The following ANKFN1 variants were observed in gnomAD, a reference collection of about 807,000 sequenced individuals.
ANKFN1 encodes the protein ankyrin repeat and fibronectin type III domain containing 1, also known as ankyrin repeat and fibronectin type-III domain-containing protein 1.
A neutral mutation model predicts 108.7 loss-of-function variants in ANKFN1; 74 were observed. The observed-to-expected ratio is 0.68, with a 90% CI of 0.56 to 0.83. The LOEUF is 0.83. Among genes scored for constraint, ANKFN1 ranks in the 40% least tolerant of loss-of-function variants. The pLI is 0.00. For missense variants in ANKFN1, 1,505 were observed against 1,382.3 expected, an observed-to-expected ratio of 1.09 and a Z score of -1.41; for synonymous variants, 547 against 516.2, an observed-to-expected ratio of 1.06 and a Z score of -0.81.
intron 3 of ANKFN1, among the ~76,000 whole-genome samples, chr17:56,231,462 C>G (rs940335297): frequency 2.0e-5 from 3 of 152,186 alleles, no homozygotes; most frequent in African/African-American, 7.2e-5. Flanking sequence ...TTCATCGCCT[C>G]TGGAAAGGGT....
chr17:56,428,549 G>A (rs1008017091), intron 8 of ANKFN1, among the ~76,000 whole-genome samples: 19 of 147,692 alleles, frequency 1.3e-4, no homozygotes, highest in East Asian at 4.1e-4. Context: ...TGCAACCTCC[G>A]CCTCCCGGGT....
chr17:56,294,167 AC>A (rs2044444843), intron 3 of ANKFN1, among the ~76,000 whole-genome samples: 1 of 152,196 alleles, frequency 6.6e-6, no homozygotes, highest in African/African-American at 2.4e-5. Context: ...ATATAAAGAA[AC>A]CAAATAATGC....
intron 1 of ANKFN1, among the ~76,000 whole-genome samples, chr17:56,161,117 C>T (rs1009934940): frequency 7.2e-5 from 11 of 152,198 alleles, no homozygotes; most frequent in South Asian, 2.1e-4. Flanking sequence ...CATTCAACCT[C>T]GGTTTCCTCC....
At chr17:56,086,471 AG>A (rs1394948406) in intron 4 of ANKFN1, among the ~76,000 whole-genome samples, 1 of 151,464 alleles carries the variant, frequency 6.6e-6, no homozygotes, top group Non-Finnish European at 1.5e-5. Context: ...CACTGGGAAA[AG>A]GATTACTGTT....
chr17:56,368,055 C>A, intron 6 of ANKFN1: 2 of 555,364 alleles, frequency 3.6e-6, no homozygotes, highest in East Asian at 5.1e-5. Flanking sequence ...TGAAAATAGC[C>A]CCATTCTGCC....
At chr17:56,342,027 G>C (rs892864533) in intron 4 of ANKFN1, among the ~76,000 whole-genome samples, 5 of 151,958 alleles carry the variant, frequency 3.3e-5, no homozygotes, top group Admixed American at 6.6e-5. Flanking sequence ...TCTTGGTTCA[G>C]TGTTGGGAGG....
chr17:56,252,966 G>A (rs2043271624), intron 3 of ANKFN1, among the ~76,000 whole-genome samples: 1 of 152,172 alleles, frequency 6.6e-6, no homozygotes, highest in Admixed American at 6.5e-5. Flanking sequence ...CGAGGGTGAG[G>A]TGGGGGGATT....
intron 3 of ANKFN1, among the ~76,000 whole-genome samples, chr17:56,291,445 A>G (rs914107161): frequency 3.3e-5 from 5 of 152,206 alleles, no homozygotes; most frequent in Non-Finnish European, 7.4e-5. Context: ...GTGCTACCCT[A>G]CTGCACAGAA....
At chr17:56,258,424 G>A (rs1324410866) in intron 3 of ANKFN1, 1 of 152,150 alleles carries the variant, frequency 6.6e-6, no homozygotes, top group Non-Finnish European at 1.5e-5. Context: ...TTCCCATAAG[G>A]TGTGAGGGTT....
At chr17:56,131,549 T>C (rs1367940058) in intron 4 of ANKFN1, among the ~76,000 whole-genome samples, 1 of 152,262 alleles carries the variant, frequency 6.6e-6, no homozygotes, top group Non-Finnish European at 1.5e-5. Context: ...TGGTCTGTTC[T>C]AGTGGAGCCC....
At chr17:56,280,963 A>G (rs909356686) in intron 3 of ANKFN1, among the ~76,000 whole-genome samples, 2 of 152,142 alleles carry the variant, frequency 1.3e-5, no homozygotes, top group Admixed American at 1.3e-4. Context: ...TGGTTTTAAA[A>G]AGGGGAGTTT....
At chr17:56,074,608 A>C (rs1472897812) in intron 4 of ANKFN1, among the ~76,000 whole-genome samples, 1 of 152,204 alleles carries the variant, frequency 6.6e-6, no homozygotes, top group African/African-American at 2.4e-5. Flanking sequence ...AGAAATTCCA[A>C]CTGTTGCATG....
chr17:56,355,331 TG>T (rs1158262495), intron 6 of ANKFN1, among the ~76,000 whole-genome samples: 1 of 152,034 alleles, frequency 6.6e-6, no homozygotes, highest in Non-Finnish European at 1.5e-5. Context: ...TATGAAGGAA[TG>T]AACTATGAGA....
At position 56,498,781 on chromosome 17, in the gene ANKFN1, C is replaced by A. The variant is rs1346775312; in HGVS notation, c.2428-101C>A. 7.6e-6 allele frequency: 7 copies of A among 916,130 alleles called. No individual in the cohort carries two copies. The East Asian group carries it at 1.6e-4, about 21-fold the overall frequency. The allele number at this position is 916,130 out of a possible 1,614,324, so 56.8% of individuals were successfully genotyped here. A position where few individuals can be genotyped will look rare whatever the true frequency, so the allele number is the denominator to read the frequency against. On this transcript the variant is annotated intron_variant, in intron 19 of 20. Transcript: ENST00000682825. ...AAAAATATTTTACTCTTGCTCAAAG[C>A]CAATATTGCGGAAAATGGATCATCT... is the stretch of plus-strand genomic sequence containing the variant.
chr17:56,240,329 A>G (rs1188079388), intron 3 of ANKFN1, among the ~76,000 whole-genome samples: 1 of 152,088 alleles, frequency 6.6e-6, no homozygotes, highest in African/African-American at 2.4e-5. Flanking sequence ...TTGTCAGTCA[A>G]CATTATGTTT....
At chr17:56,248,889 G>A (rs1012183583) in intron 3 of ANKFN1, among the ~76,000 whole-genome samples, 1 of 152,132 alleles carries the variant, frequency 6.6e-6, no homozygotes, top group Admixed American at 6.6e-5. Context: ...CAAAAGGGAA[G>A]ACAGCCAAAA....
intron 6 of ANKFN1, 130 bp from the exon 7 acceptor site, chr17:56,372,514 AAC>A (rs2046836611): frequency 1.3e-6 from 1 of 786,786 alleles, no homozygotes; most frequent in East Asian, 2.6e-5. Flanking sequence ...CTTGATAACA[AAC>A]ACAGATCCCA....
intron 7 of ANKFN1, among the ~76,000 whole-genome samples, chr17:56,373,500 T>G (rs561232699): frequency 3.3e-5 from 5 of 152,340 alleles, no homozygotes; most frequent in Admixed American, 3.3e-4. Flanking sequence ...ACTCTCATTC[T>G]AGAAGGAGAT....
chr17:56,061,881 G>A (rs1904981314), intron 4 of ANKFN1, among the ~76,000 whole-genome samples: 1 of 152,178 alleles, frequency 6.6e-6, no homozygotes, highest in Non-Finnish European at 1.5e-5. Context: ...AGTGCTGTAA[G>A]TTTCCCTCAA....
Sources: gnomAD v4.1 joint callset for allele counts (sites outside exome capture counted in the v4.1 genomes callset) on GRCh38, gnomAD v4.1.1 for gene constraint, MANE v1.5 for transcripts, NCBI Gene and HGNC (gene_info 2026-07-23, HGNC 2026-07-21) for gene names.